ATRNL1: variants seen among roughly 807,000 people sequenced by gnomAD.
The protein encoded by ATRNL1 is attractin-like protein 1.
In ATRNL1, 95 loss-of-function variants were observed where a neutral mutation model predicts 182.7. The observed-to-expected ratio is 0.52, with a 90% CI of 0.44 to 0.62. The LOEUF (loss-of-function observed/expected upper bound fraction) is 0.62. ATRNL1 is among the 20% of genes least tolerant of loss of function. The pLI is 0.00. For synonymous variants in ATRNL1, 576 were observed against 568.3 expected (o/e 1.01, Z -0.19); for missense variants, 1,471 against 1,679.5 (o/e 0.88, Z 2.17).
At chr10:115,759,494 G>A (rs1948678227) in intron 27 of ATRNL1, among the ~76,000 whole-genome samples, 2 of 152,058 alleles carry the variant, frequency 1.3e-5, no homozygotes, top group Admixed American at 1.3e-4. Flanking sequence ...CTGGGGGAGT[G>A]ACCAGGGGAC....
chr10:115,840,936 G>A (rs1400754627), intron 27 of ATRNL1, among the ~76,000 whole-genome samples: 1 of 152,052 alleles, frequency 6.6e-6, no homozygotes, highest in African/African-American at 2.4e-5. Context: ...TACCTTTCAA[G>A]GCCAGAAAGG....
chr10:115,613,908 G>C (rs1044706007), intron 26 of ATRNL1, among the ~76,000 whole-genome samples: 1 of 151,406 alleles, frequency 6.6e-6, no homozygotes, highest in Non-Finnish European at 1.5e-5. Context: ...GGTCTCCACT[G>C]TTTTTTTCTT....
At chr10:115,774,873 G>GTT (rs113713693) in intron 27 of ATRNL1, among the ~76,000 whole-genome samples, 1 of 137,760 alleles carries the variant, frequency 7.3e-6, no homozygotes. Context: ...GTCATGGTTT[G>GTT]TTTTTTTTTT....
chr10:115,336,926 A>G (rs1855508474), intron 19 of ATRNL1, among the ~76,000 whole-genome samples: 1 of 148,464 alleles, frequency 6.7e-6, no homozygotes, highest in African/African-American at 2.5e-5. Context: ...GCTCACTGCA[A>G]CCTCTGTGTC....
chr10:115,526,732 A>G (rs553196537), intron 25 of ATRNL1, among the ~76,000 whole-genome samples: 5 of 152,130 alleles, frequency 3.3e-5, no homozygotes, highest in Non-Finnish European at 5.9e-5. Context: ...TTAGATAAGC[A>G]ATAAACGTGT....
chr10:115,377,044 G>A (rs1318465664), intron 19 of ATRNL1, among the ~76,000 whole-genome samples: 3 of 151,742 alleles, frequency 2.0e-5, no homozygotes, highest in Non-Finnish European at 2.9e-5. Flanking sequence ...TGTAGCTCTT[G>A]GATTTCTATT....
intron 1 of ATRNL1, among the ~76,000 whole-genome samples, chr10:115,110,231 A>G (rs1554867553): frequency 6.6e-6 from 1 of 152,136 alleles, no homozygotes. Flanking sequence ...GTCATTTGTC[A>G]AGAGGGAGAT....
chr10:115,486,729 G>T (rs782643272), intron 24 of ATRNL1, among the ~76,000 whole-genome samples: 3 of 152,124 alleles, frequency 2.0e-5, no homozygotes, highest in Admixed American at 1.3e-4. Context: ...TTGCTGTGCA[G>T]AAGCTCTTTA....
intron 18 of ATRNL1, among the ~76,000 whole-genome samples, chr10:115,324,147 T>C (rs1554932461): frequency 6.6e-6 from 1 of 152,170 alleles, no homozygotes; most frequent in Non-Finnish European, 1.5e-5. Flanking sequence ...CTGGTTTTTA[T>C]GGTGTTTTTG....
At chr10:115,200,186 T>G (rs1220786500) in intron 8 of ATRNL1, among the ~76,000 whole-genome samples, 1 of 151,968 alleles carries the variant, frequency 6.6e-6, no homozygotes, top group Non-Finnish European at 1.5e-5. Context: ...TGGAGTTAGC[T>G]GCAGATTTTT....
intron 20 of ATRNL1, among the ~76,000 whole-genome samples, chr10:115,417,224 CAT>C (rs782325935): frequency 2.2e-4 from 33 of 152,214 alleles, no homozygotes; most frequent in Admixed American, 9.8e-4. Context: ...TAGGAGCAAT[CAT>C]GTGTACTAGT....
chr10:115,487,696 C>G (rs2134641043), intron 24 of ATRNL1, among the ~76,000 whole-genome samples: 1 of 152,242 alleles, frequency 6.6e-6, no homozygotes, highest in Admixed American at 6.5e-5. Flanking sequence ...TTGACTTCCT[C>G]TTTTCCTATT....
At chr10:115,912,017 T>C (rs1157633807) in intron 28 of ATRNL1, among the ~76,000 whole-genome samples, 1 of 152,200 alleles carries the variant, frequency 6.6e-6, no homozygotes, top group Non-Finnish European at 1.5e-5. Context: ...GACTATTCAA[T>C]GATTGAATCT....
At chr10:115,270,313 T>TCAG (rs1851794895) in intron 13 of ATRNL1, among the ~76,000 whole-genome samples, 10 of 145,180 alleles carry the variant, frequency 6.9e-5, no homozygotes, top group East Asian at 3.9e-4. Context: ...GTTTATATAT[T>TCAG]ATATATAAAT....
At chr10:115,182,028 T>C (rs1847767577) in intron 8 of ATRNL1, among the ~76,000 whole-genome samples, 1 of 151,660 alleles carries the variant, frequency 6.6e-6, no homozygotes. Context: ...GGAAATGATA[T>C]CCTAAATGAA....
intron 26 of ATRNL1, among the ~76,000 whole-genome samples, chr10:115,593,061 G>T (rs1856009949): frequency 6.6e-6 from 1 of 152,196 alleles, no homozygotes; most frequent in Non-Finnish European, 1.5e-5. Flanking sequence ...AAAGTTCAAG[G>T]TTGAGGGGCA....
At chr10:115,568,159 A>T (rs1273504112) in intron 26 of ATRNL1, among the ~76,000 whole-genome samples, 10 of 152,098 alleles carry the variant, frequency 6.6e-5, no homozygotes, top group Admixed American at 6.6e-4. Context: ...AGCTATTGTC[A>T]TACATAGTAA....
intron 17 of ATRNL1, among the ~76,000 whole-genome samples, chr10:115,313,317 C>A (rs1554928545): frequency 6.6e-6 from 1 of 151,024 alleles, no homozygotes; most frequent in African/African-American, 2.4e-5. Context: ...TTTCTTTTTT[C>A]CCCTTGAGAA....
At chr10:115,654,854 G>T (rs1860236503) in intron 26 of ATRNL1, among the ~76,000 whole-genome samples, 1 of 152,178 alleles carries the variant, frequency 6.6e-6, no homozygotes, top group South Asian at 2.1e-4. Flanking sequence ...GCTTTGTCCA[G>T]TTGTGTACAG....
Sources: gnomAD v4.1 joint callset for allele counts (sites outside exome capture counted in the v4.1 genomes callset) on GRCh38, gnomAD v4.1.1 for gene constraint, MANE v1.5 for transcripts, NCBI Gene and HGNC (gene_info 2026-07-23, HGNC 2026-07-21) for gene names.